Variants in NEK1 observed in about 807,000 individuals in gnomAD.
NEK1 encodes serine/threonine-protein kinase Nek1.
NEK1 carries 137 observed loss-of-function variants against 182.1 expected under a neutral mutation model. The observed-to-expected ratio is 0.75, with a 90% CI of 0.65 to 0.87. The LOEUF is 0.87. Among genes scored for constraint, NEK1 ranks in the 40% least tolerant of loss-of-function variants. NEK1 has a pLI of 0.00. For synonymous variants in NEK1, 513 were observed against 492.2 expected, an observed-to-expected ratio of 1.04 and a Z score of -0.56; for missense variants, 1,391 against 1,494.4, an observed-to-expected ratio of 0.93 and a Z score of 1.14.
chr4:169,572,983 T>C (rs560085173), intron 12 of NEK1, among the ~76,000 whole-genome samples: 1 of 152,262 alleles, frequency 6.6e-6, no homozygotes, highest in East Asian at 1.9e-4. Context: ...AGAGAGGTAG[T>C]TGGAAGGACA....
At chr4:169,560,421 C>CT (rs918242503) in intron 16 of NEK1, among the ~76,000 whole-genome samples, 2 of 152,296 alleles carry the variant, frequency 1.3e-5, no homozygotes, top group African/African-American at 2.4e-5. Flanking sequence ...TTCTCTCTCT[C>CT]TAATTTCTTT....
At chr4:169,397,772 C>A (rs1490262550) in intron 35 of NEK1, among the ~76,000 whole-genome samples, 1 of 152,140 alleles carries the variant, frequency 6.6e-6, no homozygotes, top group Middle Eastern at 3.2e-3. Flanking sequence ...ACTCAGTTGT[C>A]AAAAGAGGGT....
intron 27 of NEK1, among the ~76,000 whole-genome samples, chr4:169,455,532 A>G (rs1206049731): frequency 1.3e-5 from 2 of 152,216 alleles, no homozygotes; most frequent in Non-Finnish European, 2.9e-5. Flanking sequence ...ACGTCATTAT[A>G]TAATTATAAA....
intron 27 of NEK1, among the ~76,000 whole-genome samples, chr4:169,442,838 A>G (rs942407236): frequency 2.6e-5 from 4 of 152,182 alleles, no homozygotes; most frequent in Non-Finnish European, 5.9e-5. Flanking sequence ...GTTGGAGACC[A>G]GCCTGGGCAA....
intron 23 of NEK1, among the ~76,000 whole-genome samples, chr4:169,486,931 A>G (rs1413454954): frequency 6.6e-6 from 1 of 152,206 alleles, no homozygotes; most frequent in African/African-American, 2.4e-5. Flanking sequence ...AAAAAACTGA[A>G]TCGATCTTCC....
intron 5 of NEK1, among the ~76,000 whole-genome samples, chr4:169,594,184 C>T (rs1355574488): frequency 6.6e-6 from 1 of 152,232 alleles, no homozygotes; most frequent in Non-Finnish European, 1.5e-5. Flanking sequence ...GTCTGAATTA[C>T]AGTTGTATGT....
rs567554955 is a variant in NEK1, at chr4:169,419,837, T to C, written c.3222+4716A>G. Among the ~76,000 whole-genome samples, 4 of 152,314 alleles carry C rather than the reference T, an allele frequency of 2.6e-5. No individual in the cohort carries two copies. The East Asian group carries it at 5.8e-4, about 22-fold the overall frequency. Reference sequence around the variant, plus strand: ...ATTATAGAAGATTGTAATACAATGGTAAATATTTGTCTATCTAAACACTAA... The same window carrying C: ...ATTATAGAAGATTGTAATACAATGGCAAATATTTGTCTATCTAAACACTAA... On this transcript the variant is annotated intron_variant, in intron 31 of 35. Transcript: ENST00000507142.
At chr4:169,491,719 A>G (rs887053332) in intron 23 of NEK1, among the ~76,000 whole-genome samples, 13 of 152,222 alleles carry the variant, frequency 8.5e-5, no homozygotes, top group African/African-American at 3.1e-4. Context: ...AATTCAGAAT[A>G]TTCCATTACT....
chr4:169,400,363 C>T lies in NEK1; in HGVS notation c.3715-6G>A. 1 of 1,473,330 alleles carries T rather than the reference C, an allele frequency of 6.8e-7. No homozygotes were observed. The highest frequency in any genetic ancestry group is 2.4e-5 in the Admixed American group (1 of 40,932). 91.3% of individuals were successfully genotyped at this position (1,473,330 alleles called of 1,614,324 possible). ...TCTTCATCTTCATGAATAGCCTATA[C>T]CAAATTCCCAAATATAAATTAATAT... On this transcript the variant is annotated splice_region_variant and splice_polypyrimidine_tract_variant and intron_variant, in intron 34 of 35. Transcript: ENST00000507142.
chr4:169,456,307 C>T (rs547650079), intron 27 of NEK1, among the ~76,000 whole-genome samples: 94 of 151,924 alleles, frequency 6.2e-4, no homozygotes, highest in African/African-American at 2.2e-3. Context: ...TCTTAAAGAA[C>T]TACAAAAGCA....
In NEK1 at chr4:169,599,140, C is replaced by T. The variant is rs750846188; in HGVS notation, c.272G>A (p.Arg91Gln). The change falls in exon 5 of 36, where the codon CGA (arginine) becomes CAA (glutamine). Residue 91 changes from arginine (R) to glutamine (Q), a missense_variant. This residue lies in a region of NEK1 where 116 missense variants were observed against 114.5 expected (regional missense o/e 1.01). Coordinates refer to ENST00000507142, the MANE Select transcript of NEK1 (RefSeq NM_001199397.3). ...DYCEGGDLFK[R>Q]INAQKGVLFQ... ...CAAAACGCCTTTCTGAGCATTTATT[C>T]GCTTAAACAGATCCCCTCCCTCACA... 22 of 1,613,290 alleles carry T rather than the reference C, an allele frequency of 1.4e-5. No individual in the cohort carries two copies. The highest frequency in any genetic ancestry group is 2.2e-5 in the East Asian group (1 of 44,826).
intron 15 of NEK1, 39 bp downstream of exon 15, chr4:169,561,648 C>G (rs1187902048): frequency 2.5e-6 from 4 of 1,572,494 alleles, no homozygotes; most frequent in Non-Finnish European, 1.7e-6. Flanking sequence ...TCAGTGTATT[C>G]CTTAAGAAAA....
intron 23 of NEK1, among the ~76,000 whole-genome samples, chr4:169,485,941 C>A (rs908735303): frequency 6.6e-6 from 1 of 151,430 alleles, no homozygotes; most frequent in East Asian, 1.9e-4. Flanking sequence ...CAGCTATAGA[C>A]AGGCTGAGGC....
At chr4:169,423,987 G>C (rs1735928467) in intron 31 of NEK1, among the ~76,000 whole-genome samples, 1 of 152,022 alleles carries the variant, frequency 6.6e-6, no homozygotes, top group Non-Finnish European at 1.5e-5. Context: ...TTGGTAAAAA[G>C]TTATGTATAT....
intron 23 of NEK1, among the ~76,000 whole-genome samples, chr4:169,500,970 T>A (rs1405703936): frequency 6.6e-6 from 1 of 152,048 alleles, no homozygotes; most frequent in Non-Finnish European, 1.5e-5. Context: ...GCAAATTGGA[T>A]GAAAAAACAA....
chr4:169,466,941 G>C (rs1333538831), intron 26 of NEK1, among the ~76,000 whole-genome samples: 1 of 151,916 alleles, frequency 6.6e-6, no homozygotes, highest in Non-Finnish European at 1.5e-5. Flanking sequence ...GAGATGCCAG[G>C]GTTCACTTAT....
intron 18 of NEK1, among the ~76,000 whole-genome samples, chr4:169,541,541 A>T (rs1321061842): frequency 6.6e-6 from 1 of 152,140 alleles, no homozygotes; most frequent in Non-Finnish European, 1.5e-5. Flanking sequence ...AAGAAAAGAG[A>T]ATCTGAAAGA....
chr4:169,442,825 G>T (rs551508346), intron 27 of NEK1, among the ~76,000 whole-genome samples: 24 of 152,130 alleles, frequency 1.6e-4, no homozygotes, highest in Non-Finnish European at 2.8e-4. Flanking sequence ...CTTGCAGCCA[G>T]GAGTTGGAGA....
chr4:169,607,258 T>C (rs189761191), intron 2 of NEK1, among the ~76,000 whole-genome samples: 26 of 152,306 alleles, frequency 1.7e-4, no homozygotes, highest in African/African-American at 6.3e-4. Flanking sequence ...TCATTCACAA[T>C]GTCTAGTATC....
Sources: gnomAD v4.1 joint callset for allele counts (sites outside exome capture counted in the v4.1 genomes callset) on GRCh38, gnomAD v4.1.1 for gene constraint, gnomAD v4.1.1 regional missense constraint, MANE v1.5 for transcripts, NCBI Gene and HGNC (gene_info 2026-07-23, HGNC 2026-07-21) for gene names.